The following CFHR5 variants were observed in gnomAD, a reference collection of about 807,000 sequenced individuals.
CFHR5 encodes complement factor H-related protein 5.
In CFHR5, 73 loss-of-function variants were observed where a neutral mutation model predicts 62.9. The observed-to-expected ratio is 1.16, with a 90% CI of 0.96 to 1.41. The LOEUF is 1.41. CFHR5 is among the 40% of genes most tolerant of loss of function. The pLI is 0.00. For missense variants in CFHR5, 779 were observed against 679.9 expected, an observed-to-expected ratio of 1.15 and a Z score of -1.62; for synonymous variants, 249 against 227.2, an observed-to-expected ratio of 1.10 and a Z score of -0.86.
At chr1:196,975,099 AG>A (rs1468342133), upstream of CFHR5, among the ~76,000 whole-genome samples, 6 of 152,190 alleles carry the variant, frequency 3.9e-5, no homozygotes, top group African/African-American at 1.4e-4. Flanking sequence ...GGTGTTCCAT[AG>A]ACCATGTGAA....
chr1:196,994,702 T>C (rs1653942688), intron 4 of CFHR5, among the ~76,000 whole-genome samples: 1 of 152,190 alleles, frequency 6.6e-6, no homozygotes, highest in African/African-American at 2.4e-5. Context: ...TATCACATTA[T>C]TTGAAGTATG....
intron 3 of CFHR5, among the ~76,000 whole-genome samples, chr1:196,986,496 T>C (rs1653686009): frequency 6.6e-6 from 1 of 152,104 alleles, no homozygotes. Context: ...ATTATGTATT[T>C]TGCCTAATGC....
In CFHR5 at chr1:196,998,118, T is replaced by A. The variant is rs1218194222; in HGVS notation, c.971-10T>A. On this transcript the variant is annotated splice_polypyrimidine_tract_variant and intron_variant, in intron 6 of 9. Coordinates refer to ENST00000256785, the MANE Select transcript of CFHR5 (RefSeq NM_030787.4). ...ATTGTTTAGTTTCTATTTAATATTA[T>A]TTTTTATAGCAACACACCAACTTAA... 2.7e-6 allele frequency: 4 copies of A among 1,479,500 alleles called. No homozygotes were observed. Among genetic ancestry groups the A allele is most frequent in the Non-Finnish European group, 3.7e-6 (4 of 1,086,136 alleles). The allele number at this position is 1,479,500 out of a possible 1,614,324, so 91.6% of individuals were successfully genotyped here. A position where few individuals can be genotyped will look rare whatever the true frequency, so the allele number is the denominator to read the frequency against.
At chr1:196,989,665 T>C (rs373236307) in intron 3 of CFHR5, among the ~76,000 whole-genome samples, 4 of 152,190 alleles carry the variant, frequency 2.6e-5, no homozygotes, top group African/African-American at 9.7e-5. Context: ...TCAGTTTCCA[T>C]GTAGTGGTGC....
chr1:196,993,546 C>A (rs189452022), intron 3 of CFHR5, among the ~76,000 whole-genome samples: 1 of 152,290 alleles, frequency 6.6e-6, no homozygotes, highest in African/African-American at 2.4e-5. Context: ...ATCTGCCCAC[C>A]TTGGCCTCCC....
chr1:196,984,331 A>G (rs1375117746), intron 3 of CFHR5, among the ~76,000 whole-genome samples, 194 bp downstream of exon 3: 1 of 152,196 alleles, frequency 6.6e-6, no homozygotes, highest in Non-Finnish European at 1.5e-5. Flanking sequence ...AATGTACGTA[A>G]TAAGAAGAAA....
At chr1:196,990,788 CTGGCTGCCAT>C (rs1387689667) in intron 3 of CFHR5, among the ~76,000 whole-genome samples, 1 of 152,152 alleles carries the variant, frequency 6.6e-6, no homozygotes, top group East Asian at 1.9e-4. Flanking sequence ...ACCTTTCTCT[CTGGCTGCCAT>C]TAACATATTT....
Position 197,004,664 on chromosome 1 carries a change from C to T in CFHR5, c.1334C>T (p.Ser445Phe), listed in dbSNP as rs751336918. Reference protein sequence around the residue: ...RWQSLPRCVESTAYCGPPPSI... With the variant: ...RWQSLPRCVEFTAYCGPPPSI... ...ACAAATAAATGCTGTTTTCCAGAGT[C>T]TACTGCATATTGTGGGCCCCCTCCA... Residue 445 changes from serine to phenylalanine, a missense_variant, in exon 9 of 10, where the codon TCT (serine) becomes TTT (phenylalanine). By Grantham distance (155) the Ser-to-Phe change is radical. Transcript: ENST00000256785. 1.2e-6 allele frequency: 2 copies of T among 1,611,892 alleles called. No homozygotes were observed. Among genetic ancestry groups the T allele is most frequent in the Non-Finnish European group, 1.7e-6 (2 of 1,178,126 alleles).
intron 8 of CFHR5, among the ~76,000 whole-genome samples, chr1:197,004,360 T>C (rs1199035391): frequency 1.3e-5 from 2 of 152,154 alleles, no homozygotes; most frequent in African/African-American, 4.8e-5. Context: ...AGTTATTTAC[T>C]TTTACCTTTC....
At chr1:197,003,438 T>C (rs1044482951) in intron 8 of CFHR5, among the ~76,000 whole-genome samples, 3 of 152,144 alleles carry the variant, frequency 2.0e-5, no homozygotes, top group African/African-American at 7.2e-5. Context: ...CACTCCATGA[T>C]GCTCACACAA....
At chr1:196,988,389 A>G (rs540196031) in intron 3 of CFHR5, among the ~76,000 whole-genome samples, 8 of 152,310 alleles carry the variant, frequency 5.3e-5, no homozygotes, top group South Asian at 4.1e-4. Flanking sequence ...TGCCCTGGCC[A>G]GAACTTCCAA....
Position 196,998,286 on chromosome 1 carries a change from C to A in CFHR5, c.1129C>A (p.Pro377Thr). 6.2e-7 allele frequency: 1 copy of A among 1,611,028 alleles called. No individual in the cohort carries two copies. The highest frequency in any genetic ancestry group is 1.1e-5 in the South Asian group (1 of 90,618). ...AGTCTGTATAAACGGGAAATGGAAT[C>A]CTGAAGTAGACTGCACAGGTAAGAT... ...HSVCINGKWN[P>T]EVDCTEKREQ... Residue 377 changes from proline to threonine, a missense_variant, in exon 7 of 10, where the codon CCT becomes ACT. Coordinates refer to ENST00000256785, the MANE Select transcript of CFHR5 (RefSeq NM_030787.4).
upstream of CFHR5, among the ~76,000 whole-genome samples, chr1:196,975,124 A>G (rs974165959): frequency 5.9e-5 from 9 of 152,190 alleles, no homozygotes; most frequent in Admixed American, 5.9e-4. Flanking sequence ...GGTATTTCCA[A>G]ATGGAAGGGG....
At chr1:196,993,380 C>T (rs756430728) in intron 3 of CFHR5, among the ~76,000 whole-genome samples, 52 of 151,964 alleles carry the variant, frequency 3.4e-4, no homozygotes, top group Non-Finnish European at 5.0e-4. Flanking sequence ...CTGCAACCTC[C>T]GCCTCCTGGG....
chr1:197,008,103 C>G (rs1463616179), intron 9 of CFHR5, among the ~76,000 whole-genome samples: 2 of 150,178 alleles, frequency 1.3e-5, no homozygotes, highest in Non-Finnish European at 3.0e-5. Context: ...CAAGGTTTCA[C>G]AAAGTTAAGA....
At chr1:196,995,067 C>G (rs1448677153) in intron 4 of CFHR5, among the ~76,000 whole-genome samples, 4 of 152,068 alleles carry the variant, frequency 2.6e-5, no homozygotes, top group African/African-American at 9.7e-5. Context: ...CAATCCATAT[C>G]AAAGTATTTA....
chr1:197,003,844 G>C (rs1265586283), intron 8 of CFHR5, among the ~76,000 whole-genome samples: 1 of 152,112 alleles, frequency 6.6e-6, no homozygotes, highest in African/African-American at 2.4e-5. Context: ...CATGTTTGTA[G>C]GTTGGTGAAT....
At position 197,002,521 on chromosome 1, in the gene CFHR5, C is replaced by G. The variant is rs1328017735; in HGVS notation, c.1187C>G (p.Pro396Arg). The G allele has an allele frequency of 1.9e-6, 3 of 1,613,318 alleles. No homozygotes were observed. The highest frequency in any genetic ancestry group is 1.7e-5 in the Admixed American group (1 of 59,928). The stretch of plus-strand genomic sequence containing the variant: ...TTCTGCCCACCGCCACCTCAGATAC[C>G]TAATGCTCAGAATATGACAACCACA... ...EQFCPPPPQI[P>R]NAQNMTTTVN... The change falls in exon 8 of 10, where the codon CCT becomes CGT. Residue 396 changes from proline to arginine, a missense_variant. Pro to Arg is a moderately radical substitution (Grantham distance 103). Transcript: ENST00000256785.
At chr1:196,977,777 TTGTG>T in intron 1 of CFHR5, 55 bp downstream of exon 1, 1 of 1,332,710 alleles carries the variant, frequency 7.5e-7, no homozygotes, top group Non-Finnish European at 1.1e-6. Flanking sequence ...TATTTATTGA[TTGTG>T]TGTGTGTATG....
Sources: gnomAD v4.1 joint callset for allele counts (sites outside exome capture counted in the v4.1 genomes callset) on GRCh38, gnomAD v4.1.1 for gene constraint, MANE v1.5 for transcripts, NCBI Gene and HGNC (gene_info 2026-07-23, HGNC 2026-07-21) for gene names.